The following SLFN12L variants were observed in gnomAD, a reference collection of about 807,000 sequenced individuals.
SLFN12L encodes schlafen family member 12-like.
A neutral mutation model predicts 34.8 loss-of-function variants in SLFN12L; 34 were observed. The ratio of observed to expected loss-of-function variants is 0.98; its 90% confidence interval spans 0.74 to 1.30. The LOEUF (loss-of-function observed/expected upper bound fraction) is 1.30, where lower values mean the gene tolerates loss of function less well. SLFN12L is among the 50% of genes most tolerant of loss of function. The pLI is 0.00. For synonymous variants in SLFN12L, 259 were observed against 247.5 expected (o/e 1.05, Z -0.44); for missense variants, 703 against 696.2 (o/e 1.01, Z -0.11).
chr17:35,517,689 AC>A (rs1915874783), intron 2 of SLFN12L, among the ~76,000 whole-genome samples: 1 of 152,202 alleles, frequency 6.6e-6, no homozygotes, highest in Non-Finnish European at 1.5e-5. Context: ...TAGCACTGGT[AC>A]CAAAACAGAT....
Position 35,490,322 on chromosome 17 carries a change from A to T in SLFN12L, c.87-10127T>A, listed in dbSNP as rs1597846199. On this transcript the variant is annotated intron_variant, in intron 2 of 4. Coordinates refer to ENST00000628453, the MANE Select transcript of SLFN12L (RefSeq NM_001363830.2). ...TGCACTAAGAAGTCCAGATACTCCA[A>T]AAACTCCAAAATCTACCTCAGAAAA... 2.1e-6 allele frequency: 3 copies of T among 1,430,334 alleles called. No homozygotes were observed. In the East Asian group the frequency reaches 6.8e-5, roughly 33 times the overall value. 88.6% of individuals were successfully genotyped at this position (1,430,334 alleles called of 1,614,324 possible). A position where few individuals can be genotyped will look rare whatever the true frequency, so the allele number is the denominator to read the frequency against.
chr17:35,491,022 C>T (rs1360986234), intron 2 of SLFN12L: 83 of 788,864 alleles, frequency 1.1e-4, no homozygotes, highest in Non-Finnish European at 4.7e-6. Flanking sequence ...GCCTCCCCAG[C>T]CAACCTCTTA....
At chr17:35,527,185 C>T (rs992835701) in intron 1 of SLFN12L, among the ~76,000 whole-genome samples, 1 of 152,082 alleles carries the variant, frequency 6.6e-6, no homozygotes, top group East Asian at 1.9e-4. Context: ...CTGAATAGAC[C>T]AATAACAGCT....
intron 2 of SLFN12L, among the ~76,000 whole-genome samples, chr17:35,487,477 C>CCG (rs1283677989): frequency 6.6e-6 from 1 of 152,170 alleles, no homozygotes; most frequent in Non-Finnish European, 1.5e-5. Context: ...GACCACCCCC[C>CCG]CCGGACCCCC....
chr17:35,524,582 G>T (rs561061590), intron 1 of SLFN12L, among the ~76,000 whole-genome samples: 1 of 152,218 alleles, frequency 6.6e-6, no homozygotes, highest in Non-Finnish European at 1.5e-5. Context: ...CCAGGCAAAC[G>T]GGGTCTGCAG....
chr17:35,527,367 A>C (rs541570977), intron 1 of SLFN12L, among the ~76,000 whole-genome samples: 3 of 152,232 alleles, frequency 2.0e-5, no homozygotes, highest in Admixed American at 6.5e-5. Context: ...TTATGAGGCC[A>C]GCATCATCCT....
At chr17:35,531,007 C>T (rs1403136277) in intron 1 of SLFN12L, among the ~76,000 whole-genome samples, 1 of 152,056 alleles carries the variant, frequency 6.6e-6, no homozygotes, top group Non-Finnish European at 1.5e-5. Flanking sequence ...AAGAAAAATC[C>T]ATAGCCCCAA....
At chr17:35,498,807 G>A in intron 2 of SLFN12L, 1 of 867,760 alleles carries the variant, frequency 1.2e-6, no homozygotes, top group Non-Finnish European at 1.9e-6. Flanking sequence ...TATTCATCTT[G>A]ATGTGCAGCC....
At chr17:35,537,179 C>A (rs369386148) in intron 1 of SLFN12L, among the ~76,000 whole-genome samples, 180 of 147,108 alleles carry the variant, frequency 1.2e-3, no homozygotes, top group African/African-American at 4.2e-3. Context: ...GAACCTGTCT[C>A]AAAAAAAAAA....
chr17:35,530,425 GGAAGGGA>G (rs1567693778), intron 1 of SLFN12L, among the ~76,000 whole-genome samples: 106 of 8,340 alleles, frequency 0.013, 14 homozygotes, highest in African/African-American at 0.024. Context: ...AAGGAAGGAA[GGAAGGGA>G]AGGGAAGGGA....
intron 1 of SLFN12L, among the ~76,000 whole-genome samples, chr17:35,534,283 A>C (rs2072438434): frequency 3.9e-5 from 6 of 152,088 alleles, no homozygotes; most frequent in Admixed American, 3.3e-4. Flanking sequence ...AATCTCTTGA[A>C]CCCGGGAAGC....
Position 35,479,619 on chromosome 17 carries a change from G to A in SLFN12L, c.663C>T (p.Ala221=). 1 of 1,611,626 alleles carries A rather than the reference G, an allele frequency of 6.2e-7. No individual in the cohort carries two copies. Among genetic ancestry groups the A allele is most frequent in the South Asian group, 1.1e-5 (1 of 90,812 alleles). ...TTCTGTTAAAAAAATCAGCAGCCAA[G>A]GCTTCCATGTTACTTTCTTCTTGTA... ...VDVQEESNME[A]LAADFFNRTE... is the part of the protein sequence containing the mutation. The change falls in exon 3 of 5, where the codon GCC becomes GCT. Residue 221 remains alanine, a synonymous_variant. Transcript: ENST00000628453.
chr17:35,522,119 TA>T (rs199549661), intron 2 of SLFN12L, among the ~76,000 whole-genome samples, 159 bp downstream of exon 2: 18 of 151,384 alleles, frequency 1.2e-4, no homozygotes, highest in African/African-American at 3.4e-4. Flanking sequence ...TAAAGTATAA[TA>T]AAAAAAAGGT....
At chr17:35,487,605 C>G (rs1180923480) in intron 2 of SLFN12L, 3 of 1,075,414 alleles carry the variant, frequency 2.8e-6, no homozygotes, top group Non-Finnish European at 4.0e-6. Flanking sequence ...CCTTAAGCAA[C>G]TGAAAGTTAA....
Position 35,479,691 on chromosome 17 carries a change from T to A in SLFN12L, c.591A>T (p.Arg197Ser). ...FLKDMEKTGG[R>S]AYLRPEFPAK... ...CAGGGAATTCTGGTCTTAAATATGC[T>A]CTCCCTCCAGTTTTTTCCATGTCTT... Residue 197 changes from arginine (R) to serine (S), a missense_variant, in exon 3 of 5, where the codon AGA becomes AGT. Coordinates refer to ENST00000628453, the MANE Select transcript of SLFN12L (RefSeq NM_001363830.2). 6.2e-7 allele frequency: 1 copy of A among 1,613,720 alleles called. No individual in the cohort carries two copies. The highest frequency in any genetic ancestry group is 8.5e-7 in the Non-Finnish European group (1 of 1,179,800).
chr17:35,520,651 A>G (rs1915969815), intron 2 of SLFN12L, among the ~76,000 whole-genome samples: 1 of 152,112 alleles, frequency 6.6e-6, no homozygotes, highest in African/African-American at 2.4e-5. Flanking sequence ...AGGTTGAGGC[A>G]GGAGAATTTG....
At chr17:35,489,224 A>G (rs1914733849) in intron 2 of SLFN12L, among the ~76,000 whole-genome samples, 1 of 152,002 alleles carries the variant, frequency 6.6e-6, no homozygotes, top group African/African-American at 2.4e-5. Flanking sequence ...CCAGACCACC[A>G]AGAAGGCATC....
chr17:35,498,203 G>GGGGAGCCGGGGCCGCCTA, intron 2 of SLFN12L: 1 of 731,038 alleles, frequency 1.4e-6, no homozygotes, highest in Admixed American at 1.9e-5. Context: ...GGGGCCGCCT[G>GGGGAGCCGGGGCCGCCTA]GGATGTTCAG....
chr17:35,477,640 AG>A (rs1323747734), intron 4 of SLFN12L, among the ~76,000 whole-genome samples: 9 of 152,162 alleles, frequency 5.9e-5, no homozygotes, highest in Non-Finnish European at 1.2e-4. Flanking sequence ...ACTTCATAGA[AG>A]ATAAAATATC....
Sources: gnomAD v4.1 joint callset for allele counts (sites outside exome capture counted in the v4.1 genomes callset) on GRCh38, gnomAD v4.1.1 for gene constraint, MANE v1.5 for transcripts, NCBI Gene and HGNC (gene_info 2026-07-23, HGNC 2026-07-21) for gene names.